Variants in SLCO3A1 observed in about 807,000 individuals in gnomAD.
The protein encoded by SLCO3A1 is PGE1 transporter.
In SLCO3A1, 27 loss-of-function variants were observed where a neutral mutation model predicts 63.1. The ratio of observed to expected loss-of-function variants is 0.43; its 90% CI spans 0.32 to 0.59. The LOEUF (loss-of-function observed/expected upper bound fraction) is 0.59, where lower values mean the gene tolerates loss of function less well. SLCO3A1 is among the 20% of genes least tolerant of loss of function. SLCO3A1 has a pLI of 0.09. For missense variants in SLCO3A1, 773 were observed against 945.8 expected (o/e 0.82, Z 2.40); for synonymous variants, 473 against 409.9 (o/e 1.15, Z -1.86).
rs138467573 is a variant in SLCO3A1 at position 91,962,201 on chromosome 15, C to T, written c.646+45743C>T. ...GACATTTTAAGAATTACAGAGCGGCCGTGCACAGTGGCTCACACCTGTAAT... is the reference window on the plus strand; with the variant it reads ...GACATTTTAAGAATTACAGAGCGGCTGTGCACAGTGGCTCACACCTGTAAT... On this transcript the variant is annotated intron_variant, in intron 2 of 9. Coordinates refer to ENST00000318445, the MANE Select transcript of SLCO3A1 (RefSeq NM_013272.4). 2.4e-3 allele frequency among the ~76,000 whole-genome samples: 371 copies of T among 152,150 alleles called. 3 individuals are homozygous for T. Among genetic ancestry groups the T allele is most frequent in the African/African-American group, 8.0e-3 (331 of 41,500 alleles).
intron 2 of SLCO3A1, among the ~76,000 whole-genome samples, chr15:92,081,496 T>C (rs963407455): frequency 1.3e-5 from 2 of 152,156 alleles, no homozygotes; most frequent in African/African-American, 4.8e-5. Flanking sequence ...TCAGCCTGCC[T>C]AGTAGCTGGG....
Position 91,865,566 on chromosome 15 carries a change from C to T in SLCO3A1, c.180+11478C>T, listed in dbSNP as rs545609420. 1.2e-4 allele frequency among the ~76,000 whole-genome samples: 19 copies of T among 152,320 alleles called. No individual in the cohort carries two copies. The highest frequency in any genetic ancestry group is 8.3e-4 in the South Asian group (4 of 4,824). ...GGGCCGTGCTCCCTCCTAGACCCTGCGTAGAACCCTTCCTTGCCTCTTCAT... is the reference window on the plus strand; with the variant it reads ...GGGCCGTGCTCCCTCCTAGACCCTGTGTAGAACCCTTCCTTGCCTCTTCAT... On this transcript the variant is annotated intron_variant, in intron 1 of 9. Transcript: ENST00000318445. This position sits in a 1 kb window ranked among gnomAD's most constrained non-coding sequence, Gnocchi z 4.6.
chr15:92,048,162 C>CA (rs2046912968), intron 2 of SLCO3A1, among the ~76,000 whole-genome samples: 2 of 152,084 alleles, frequency 1.3e-5, no homozygotes, highest in Admixed American at 1.3e-4. Context: ...TCAGACCTCC[C>CA]CAGAACCCCA....
intron 2 of SLCO3A1, among the ~76,000 whole-genome samples, chr15:92,058,692 G>A (rs766721152): frequency 3.4e-4 from 51 of 152,080 alleles, no homozygotes; most frequent in Non-Finnish European, 6.9e-4. Context: ...CCATAAACTG[G>A]GTGGCTCAAA....
chr15:92,040,215 A>C (rs1011308820), intron 2 of SLCO3A1, among the ~76,000 whole-genome samples: 1 of 152,212 alleles, frequency 6.6e-6, no homozygotes, highest in African/African-American at 2.4e-5. Context: ...AAAGTAAAAA[A>C]TTAAAAAAAT....
In SLCO3A1 at chr15:91,886,824, A is replaced by G. The variant is rs1041528158; in HGVS notation, c.181-29169A>G. 1.3e-5 allele frequency among the ~76,000 whole-genome samples: 2 copies of G among 152,230 alleles called. No homozygotes were observed. The highest frequency in any genetic ancestry group is 2.9e-5 in the Non-Finnish European group (2 of 68,034). On this transcript the variant is annotated intron_variant, in intron 1 of 9. Coordinates refer to ENST00000318445, the MANE Select transcript of SLCO3A1 (RefSeq NM_013272.4). This position sits in a 1 kb window ranked among gnomAD's most constrained non-coding sequence, Gnocchi z 4.9. The stretch of plus-strand genomic sequence containing the variant: ...TCATGGGTATTTAATGAGCTCTGCA[A>G]GATGGCAGGTGCTGACAAGTGCCTT...
chr15:92,058,525 A>C (rs948945496), intron 2 of SLCO3A1, among the ~76,000 whole-genome samples: 8 of 152,076 alleles, frequency 5.3e-5, no homozygotes, highest in African/African-American at 1.9e-4. Context: ...GGATGACCCC[A>C]CCTGCTATCC....
chr15:91,958,371 C>T (rs1417531309), intron 2 of SLCO3A1, among the ~76,000 whole-genome samples: 1 of 152,216 alleles, frequency 6.6e-6, no homozygotes, highest in Non-Finnish European at 1.5e-5. Flanking sequence ...GGATCCCACA[C>T]TCACTCAGCA....
chr15:92,040,661 T>C (rs2046786357), intron 2 of SLCO3A1, among the ~76,000 whole-genome samples: 1 of 152,158 alleles, frequency 6.6e-6, no homozygotes, highest in Non-Finnish European at 1.5e-5. Context: ...GCACGTGGTG[T>C]ATACCTGGAC....
chr15:92,126,208 T>C lies in SLCO3A1; in HGVS notation c.1322T>C (p.Leu441Pro), dbSNP rs749941341. Residue 441 changes from leucine (L) to proline (P), a missense_variant, in exon 6 of 10, where the codon CTG (leucine) becomes CCG (proline). Physicochemically the swap from Leu to Pro is moderately conservative, Grantham distance 98. Transcript: ENST00000318445. ...STACYVSFLFLGCDTGPVAGV... is the reference protein window; with the variant it reads ...STACYVSFLFPGCDTGPVAGV... ...GCTTGCTACGTCTCCTTCCTCTTCC[T>C]GGGCTGCGACACTGGCCCTGTGGCT... 1 of 1,614,048 alleles carries C rather than the reference T, an allele frequency of 6.2e-7. No individual in the cohort carries two copies. The highest frequency in any genetic ancestry group is 8.5e-7 in the Non-Finnish European group (1 of 1,179,996).
intron 3 of SLCO3A1, among the ~76,000 whole-genome samples, chr15:92,096,322 TC>T (rs1306488903): frequency 6.6e-6 from 1 of 152,162 alleles, no homozygotes; most frequent in Non-Finnish European, 1.5e-5. Flanking sequence ...AGAAGTGACA[TC>T]TCATTACTTC....
At position 91,948,357 on chromosome 15, in the gene SLCO3A1, G is replaced by T. The variant is rs1264506737; in HGVS notation, c.646+31899G>T. Among the ~76,000 whole-genome samples the T allele has an allele frequency of 6.6e-6, 1 of 152,204 alleles. No individual in the cohort carries two copies. Among genetic ancestry groups the T allele is most frequent in the Non-Finnish European group, 1.5e-5 (1 of 68,036 alleles). On this transcript the variant is annotated intron_variant, in intron 2 of 9. Transcript: ENST00000318445. This position sits in a 1 kb window ranked among gnomAD's most constrained non-coding sequence, Gnocchi z 4.8. ...AAGGGCTTCCAGAGCTCGAGCTGTT[G>T]CCAAGTTTAGAAGTGGCCGCATGTG... is the stretch of plus-strand genomic sequence containing the variant.
rs1205186380 is a variant in SLCO3A1, at chr15:91,854,832, T to G, written c.180+744T>G. Among the ~76,000 whole-genome samples, 1 of 152,160 alleles carries G rather than the reference T, an allele frequency of 6.6e-6. No individual in the cohort carries two copies. The highest frequency in any genetic ancestry group is 1.5e-5 in the Non-Finnish European group (1 of 68,042). On this transcript the variant is annotated intron_variant, in intron 1 of 9. Coordinates refer to ENST00000318445, the MANE Select transcript of SLCO3A1 (RefSeq NM_013272.4). The surrounding 1 kb of genome is among the most constrained non-coding windows in gnomAD (Gnocchi z 6.4). ...ACCATTTTCCACAATGAATATGTAT[T>G]TTATTTGCCTCCAGAAAGGGGATGT...
chr15:92,171,781 C>G (rs1220981727), exon 11 of SLCO3A1: 9 of 1,549,852 alleles, frequency 5.8e-6, no homozygotes, highest in Non-Finnish European at 7.9e-6. Context: ...CCCCTTTAGG[C>G]ACAGAGTACC....
chr15:92,085,581 A>G (rs2047394997), intron 2 of SLCO3A1, among the ~76,000 whole-genome samples: 1 of 152,254 alleles, frequency 6.6e-6, no homozygotes, highest in Non-Finnish European at 1.5e-5. Context: ...AGGCACTCAA[A>G]TAGCCATTTG....
In SLCO3A1 at chr15:91,954,431, C is replaced by T. The variant is rs1278774901; in HGVS notation, c.646+37973C>T. ...GTGAGGCAGTCAGAAGTCCTGCCCT[C>T]TGCAGTTTCCAGGGGCCCAACATTC... On this transcript the variant is annotated intron_variant, in intron 2 of 9. Transcript: ENST00000318445. This position sits in a 1 kb window ranked among gnomAD's most constrained non-coding sequence, Gnocchi z 4.7. Among the ~76,000 whole-genome samples, 1 of 152,200 alleles carries T rather than the reference C, an allele frequency of 6.6e-6. No homozygotes were observed. Among genetic ancestry groups the T allele is most frequent in the East Asian group, 1.9e-4 (1 of 5,194 alleles).
chr15:91,944,841 C>G (rs555875594), intron 2 of SLCO3A1, among the ~76,000 whole-genome samples: 2 of 152,270 alleles, frequency 1.3e-5, no homozygotes, highest in Admixed American at 6.5e-5. Flanking sequence ...TTCTCTCCCC[C>G]TCTTTTTTTG....
chr15:92,120,180 T>C (rs937865124), intron 4 of SLCO3A1, among the ~76,000 whole-genome samples: 7 of 152,182 alleles, frequency 4.6e-5, no homozygotes, highest in African/African-American at 1.7e-4. Flanking sequence ...AAAAAAATTT[T>C]ACTGTGTCTA....
intron 2 of SLCO3A1, among the ~76,000 whole-genome samples, chr15:91,933,979 G>T (rs1044695591): frequency 6.6e-6 from 1 of 152,094 alleles, no homozygotes; most frequent in South Asian, 2.1e-4. Context: ...TTTTCTGATG[G>T]TACTGGCTTT....
Sources: gnomAD v4.1 joint callset for allele counts (sites outside exome capture counted in the v4.1 genomes callset) on GRCh38, gnomAD v4.1.1 for gene constraint, Gnocchi (gnomAD v3.1) non-coding constraint, MANE v1.5 for transcripts, NCBI Gene and HGNC (gene_info 2026-07-23, HGNC 2026-07-21) for gene names.